COL25A1: variants seen among roughly 807,000 people sequenced by gnomAD.
The protein encoded by COL25A1 is collagen alpha-1(XXV) chain.
Under a neutral mutation model 128.4 loss-of-function variants are expected in COL25A1, and 103 were observed. The ratio of observed to expected loss-of-function variants is 0.80; its 90% confidence interval spans 0.68 to 0.94. The LOEUF is 0.94. COL25A1 is among the 40% of genes least tolerant of loss of function. The probability of loss-of-function intolerance (pLI) is 0.00; values close to 1 mark genes in which losing one functional copy is unlikely to be tolerated. For missense variants in COL25A1, 745 were observed against 840.0 expected, an observed-to-expected ratio of 0.89 and a Z score of 1.40; for synonymous variants, 279 against 277.2, an observed-to-expected ratio of 1.01 and a Z score of -0.06.
rs1423605605 is a variant in COL25A1 at position 108,937,862 on chromosome 4, T to C, written c.673-19A>G. The C allele has an allele frequency of 6.3e-7, 1 of 1,593,508 alleles. No homozygotes were observed. Among genetic ancestry groups the C allele is most frequent in the Non-Finnish European group, 8.5e-7 (1 of 1,169,628 alleles). On this transcript the variant is annotated intron_variant, in intron 10 of 37. Transcript: ENST00000399132. ...GTTCACCCTTAAAAAAGAATAGTGA[T>C]AATTTTAGTAACGCTGTAAGTATTT...
At chr4:109,189,075 T>A (rs547603721) in intron 3 of COL25A1, among the ~76,000 whole-genome samples, 1 of 152,218 alleles carries the variant, frequency 6.6e-6, no homozygotes, top group Non-Finnish European at 1.5e-5. Context: ...TAATATTTCA[T>A]CGTGTATTCT....
At chr4:109,063,950 G>A (rs933014814) in intron 3 of COL25A1, among the ~76,000 whole-genome samples, 1 of 152,050 alleles carries the variant, frequency 6.6e-6, no homozygotes, top group African/African-American at 2.4e-5. Context: ...AGTCTCTTAC[G>A]GAACCTAAGG....
chr4:109,072,470 T>C (rs1359827299), intron 3 of COL25A1, among the ~76,000 whole-genome samples: 2 of 152,206 alleles, frequency 1.3e-5, no homozygotes, highest in Non-Finnish European at 2.9e-5. Context: ...GTGGTTACTA[T>C]TATCATTGAT....
At chr4:108,965,520 C>G (rs2125977429) in intron 8 of COL25A1, among the ~76,000 whole-genome samples, 2 of 152,216 alleles carry the variant, frequency 1.3e-5, no homozygotes, top group South Asian at 4.1e-4. Context: ...TTTAAAAAGT[C>G]ATTATTAAAC....
At chr4:108,969,446 A>G (rs1275345638) in intron 8 of COL25A1, among the ~76,000 whole-genome samples, 1 of 152,224 alleles carries the variant, frequency 6.6e-6, no homozygotes, top group Non-Finnish European at 1.5e-5. Context: ...AACATCATTG[A>G]ATCAACAGTA....
In COL25A1 at chr4:109,106,562, T is replaced by TA. The variant is rs879371941; in HGVS notation, c.368-56384dup. 1.1e-3 allele frequency among the ~76,000 whole-genome samples: 158 copies of TA among 147,606 alleles called. 1 individual carries two copies. The highest frequency in any genetic ancestry group is 1.5e-3 in the African/African-American group (59 of 40,398). On this transcript the variant is annotated intron_variant, in intron 3 of 37. Transcript: ENST00000399132. ...GAGGTATTCAGCTATCTCAGAAACT[T>TA]AAAAAAAAAAATCAATGTGAGGAGT...
At chr4:109,226,899 A>T (rs1341394463) in intron 3 of COL25A1, among the ~76,000 whole-genome samples, 1 of 152,172 alleles carries the variant, frequency 6.6e-6, no homozygotes, top group African/African-American at 2.4e-5. Flanking sequence ...GCATGAGTAT[A>T]GCAGTTGTGA....
At chr4:109,022,777 C>T (rs1034059376) in intron 5 of COL25A1, among the ~76,000 whole-genome samples, 1 of 152,110 alleles carries the variant, frequency 6.6e-6, no homozygotes, top group African/African-American at 2.4e-5. Flanking sequence ...AAAGTATACA[C>T]CAGAGCATAC....
intron 8 of COL25A1, among the ~76,000 whole-genome samples, chr4:108,950,328 AC>A (rs752318800): frequency 4.6e-5 from 7 of 152,286 alleles, no homozygotes; most frequent in Middle Eastern, 3.4e-3. Context: ...GGAAAGCAAC[AC>A]CACAGAGAAA....
In COL25A1 at chr4:108,812,951, C is replaced by T. The variant is rs1730918290; in HGVS notation, c.*976G>A. On this transcript the variant is annotated 3_prime_UTR_variant, in exon 38 of 38. Transcript: ENST00000399132. ...AGAATCTCCTATTCCAAAAGAAGTG[C>T]TGTGCCTCTGTCATTTTTAAAAGCA... 1.3e-5 allele frequency: 2 copies of T among 152,330 alleles called. No homozygotes were observed. Among genetic ancestry groups the T allele is most frequent in the South Asian group, 4.1e-4 (2 of 4,824 alleles). 9.4% of individuals were successfully genotyped at this position (152,330 alleles called of 1,614,324 possible).
intron 6 of COL25A1, among the ~76,000 whole-genome samples, chr4:109,005,919 T>C (rs551377928): frequency 2.0e-5 from 3 of 152,174 alleles, no homozygotes; most frequent in South Asian, 4.2e-4. Flanking sequence ...TGTTGAATTG[T>C]ACATAAATAA....
chr4:108,869,324 C>G (rs1043850500), intron 19 of COL25A1, among the ~76,000 whole-genome samples, 174 bp from the exon 20 acceptor site: 4 of 152,134 alleles, frequency 2.6e-5, no homozygotes, highest in Non-Finnish European at 5.9e-5. Context: ...CTTCATTTGG[C>G]TGTTCATTTT....
intron 10 of COL25A1, among the ~76,000 whole-genome samples, chr4:108,938,652 C>T (rs985589861): frequency 3.3e-5 from 5 of 152,086 alleles, no homozygotes; most frequent in African/African-American, 1.2e-4. Context: ...GTCAGGAGAT[C>T]GAGACCATCT....
Position 109,265,518 on chromosome 4 carries a change from C to CGTGTGTGTGT in COL25A1, c.367+35055_367+35064dup, listed in dbSNP as rs57643656. On this transcript the variant is annotated intron_variant, in intron 3 of 37. Transcript: ENST00000399132. Reference sequence around the variant, plus strand: ...GTGTTTTCTTACAGTAATAACAGTACGTGTGTGTGTGTGTGTGTGTGTGTG... The same window carrying CGTGTGTGTGT: ...GTGTTTTCTTACAGTAATAACAGTACGTGTGTGTGTGTGTGTGTGTGTGTGTGTGTGTGTG... Among the ~76,000 whole-genome samples, 506 of 129,694 alleles carry CGTGTGTGTGT rather than the reference C, an allele frequency of 3.9e-3. 1 individual carries two copies. The highest frequency in any genetic ancestry group is 7.9e-3 in the Middle Eastern group (2 of 254). The allele number at this position is 129,694 out of a possible 152,430, so 85.1% of individuals were successfully genotyped here.
chr4:108,915,406 G>T (rs917293292), intron 13 of COL25A1, among the ~76,000 whole-genome samples: 2 of 151,850 alleles, frequency 1.3e-5, no homozygotes, highest in African/African-American at 2.4e-5. Context: ...TCACCATGTT[G>T]CCCAGGTTGG....
intron 13 of COL25A1, among the ~76,000 whole-genome samples, chr4:108,904,782 G>A (rs1254645923): frequency 3.3e-5 from 5 of 152,046 alleles, no homozygotes; most frequent in Non-Finnish European, 5.9e-5. Flanking sequence ...GTAGATTAAT[G>A]GGGTTTTGTC....
intron 3 of COL25A1, among the ~76,000 whole-genome samples, chr4:109,131,147 TA>T (rs543674621): frequency 6.6e-6 from 1 of 152,184 alleles, no homozygotes; most frequent in South Asian, 2.1e-4. Context: ...AAAATAATTT[TA>T]AAATCTCATC....
chr4:108,901,202 T>C (rs1742806948), intron 13 of COL25A1, 30 bp from the exon 14 acceptor site: 1 of 1,510,568 alleles, frequency 6.6e-7, no homozygotes, highest in Admixed American at 1.7e-5. Flanking sequence ...TACTACTAAG[T>C]AAAATAGACA....
chr4:109,064,131 G>A (rs1349178773), intron 3 of COL25A1, among the ~76,000 whole-genome samples: 2 of 152,174 alleles, frequency 1.3e-5, no homozygotes, highest in Non-Finnish European at 2.9e-5. Context: ...TAGAAAATCG[G>A]TGGTACTATT....
Sources: allele counts gnomAD v4.1 joint callset (sites outside exome capture counted in the v4.1 genomes callset), GRCh38; gene constraint gnomAD v4.1.1; transcripts MANE v1.5; gene names NCBI Gene and HGNC (gene_info 2026-07-23, HGNC 2026-07-21).